The following PVT1 variants were observed in gnomAD, a reference collection of about 807,000 sequenced individuals.
PVT1 encodes the protein Pvt1 oncogene, also known as CXCR4/PVT1 fusion.
At chr8:128,072,908 A>G (rs1814015233) in intron 5 of PVT1, among the ~76,000 whole-genome samples, 1 of 151,956 alleles carries the variant, frequency 6.6e-6, no homozygotes, top group South Asian at 2.1e-4. Flanking sequence ...ATCTCAACTC[A>G]CTGCAACCTC....
chr8:127,829,032 G>C (rs918132265), intron 2 of PVT1, among the ~76,000 whole-genome samples: 4 of 152,146 alleles, frequency 2.6e-5, no homozygotes, highest in African/African-American at 9.7e-5. Context: ...GGTGGCTCAC[G>C]TCTGTAATCC....
At chr8:127,942,879 A>G (rs1188568882) in intron 3 of PVT1, among the ~76,000 whole-genome samples, 1 of 152,188 alleles carries the variant, frequency 6.6e-6, no homozygotes. Context: ...TGTCATGTCC[A>G]ATGCTGAGAT....
chr8:128,090,654 A>G (rs1814339796), intron 5 of PVT1, among the ~76,000 whole-genome samples: 1 of 152,024 alleles, frequency 6.6e-6, no homozygotes, highest in African/African-American at 2.4e-5. Flanking sequence ...GTCCCATGAG[A>G]TCAGACACTA....
chr8:128,011,130 TTAGAC>T (rs2130035908), intron 4 of PVT1, among the ~76,000 whole-genome samples: 1 of 152,330 alleles, frequency 6.6e-6, no homozygotes, highest in Admixed American at 6.5e-5. Flanking sequence ...GCAACAATCT[TTAGAC>T]TATATGTGTC....
intron 3 of PVT1, among the ~76,000 whole-genome samples, chr8:127,895,125 A>G (rs1482065515): frequency 1.3e-5 from 2 of 152,182 alleles, no homozygotes; most frequent in African/African-American, 4.8e-5. Flanking sequence ...TCCACTATGC[A>G]ATCAATTGGT....
intron 4 of PVT1, chr8:128,008,826 G>A (rs187960876): frequency 4.4e-6 from 2 of 449,786 alleles, no homozygotes; most frequent in Admixed American, 2.0e-5. Flanking sequence ...CTGCAGGTTG[G>A]GGCCTGAAAA....
At chr8:127,931,302 A>C (rs1816203548) in intron 3 of PVT1, among the ~76,000 whole-genome samples, 1 of 152,090 alleles carries the variant, frequency 6.6e-6, no homozygotes, top group Non-Finnish European at 1.5e-5. Context: ...GCTGGGGGGA[A>C]GTGATTGCCC....
chr8:127,909,855 T>A (rs538640979), intron 3 of PVT1, among the ~76,000 whole-genome samples: 4 of 151,682 alleles, frequency 2.6e-5, no homozygotes, highest in African/African-American at 9.7e-5. Context: ...TGGAGGGTTG[T>A]GGGGAAAATG....
intron 2 of PVT1, among the ~76,000 whole-genome samples, chr8:127,799,034 T>A (rs952314487): frequency 6.6e-6 from 1 of 152,138 alleles, no homozygotes; most frequent in Non-Finnish European, 1.5e-5. Context: ...ATATACATGA[T>A]GTGGAAATGG....
chr8:127,853,578 C>G (rs934390258), intron 2 of PVT1, among the ~76,000 whole-genome samples: 4 of 151,934 alleles, frequency 2.6e-5, no homozygotes, highest in Admixed American at 6.6e-5. Flanking sequence ...GTCAGGAGTT[C>G]GAGACCAACC....
intron 3 of PVT1, among the ~76,000 whole-genome samples, chr8:127,896,969 A>C (rs1421288853): frequency 1.3e-5 from 2 of 152,062 alleles, no homozygotes; most frequent in African/African-American, 4.8e-5. Context: ...ACCTCACCCC[A>C]TGAAGCTGTC....
At chr8:127,925,319 A>G (rs1425371328) in intron 3 of PVT1, among the ~76,000 whole-genome samples, 1 of 152,226 alleles carries the variant, frequency 6.6e-6, no homozygotes, top group Non-Finnish European at 1.5e-5. Flanking sequence ...TTGAAAAATC[A>G]AGATGAAAAA....
chr8:127,901,802 A>G (rs182861341), intron 3 of PVT1, among the ~76,000 whole-genome samples: 2 of 151,466 alleles, frequency 1.3e-5, no homozygotes, highest in African/African-American at 2.4e-5. Context: ...GAGTCTCACT[A>G]TGTTGCTCAG....
chr8:127,985,420 C>A (rs1816958436), intron 3 of PVT1, among the ~76,000 whole-genome samples: 1 of 151,640 alleles, frequency 6.6e-6, no homozygotes, highest in African/African-American at 2.4e-5. Flanking sequence ...AGCCACTGTG[C>A]CCGGCTGAGT....
At chr8:128,011,210 G>A (rs558232140) in intron 4 of PVT1, among the ~76,000 whole-genome samples, 1 of 152,192 alleles carries the variant, frequency 6.6e-6, no homozygotes, top group African/African-American at 2.4e-5. Flanking sequence ...AAGCATGGTG[G>A]GTACTTAGTC....
chr8:127,938,526 T>G (rs1816306821), intron 3 of PVT1, among the ~76,000 whole-genome samples: 1 of 152,190 alleles, frequency 6.6e-6, no homozygotes, highest in African/African-American at 2.4e-5. Flanking sequence ...GCTTCAAAAA[T>G]ATATGTATTT....
intron 2 of PVT1, among the ~76,000 whole-genome samples, chr8:127,814,535 T>A (rs893969096): frequency 2.6e-5 from 4 of 152,218 alleles, no homozygotes; most frequent in African/African-American, 9.7e-5. Context: ...CTCTGCAGGT[T>A]TTGGCTAATT....
At chr8:127,846,159 C>A (rs548681538) in intron 2 of PVT1, among the ~76,000 whole-genome samples, 3 of 152,306 alleles carry the variant, frequency 2.0e-5, no homozygotes, top group African/African-American at 7.2e-5. Flanking sequence ...AGCTACTGAA[C>A]TAAGTGGTAA....
intron 4 of PVT1, among the ~76,000 whole-genome samples, chr8:128,044,222 C>T (rs200908711): frequency 6.7e-6 from 1 of 149,090 alleles, no homozygotes; most frequent in South Asian, 2.1e-4. Context: ...TCCATCTCCC[C>T]TTTTTTTTTC....
Sources: gnomAD v4.1 joint callset for allele counts (sites outside exome capture counted in the v4.1 genomes callset) on GRCh38, gnomAD v4.1.1 for gene constraint, MANE v1.5 for transcripts, NCBI Gene and HGNC (gene_info 2026-07-23, HGNC 2026-07-21) for gene names.